FRAS1: variants seen among roughly 807,000 people sequenced by gnomAD.
FRAS1 encodes Fraser extracellular matrix complex subunit 1.
FRAS1 carries 290 observed loss-of-function variants against 435.2 expected under a neutral mutation model. The observed-to-expected ratio is 0.67, with a 90% CI of 0.61 to 0.73. The LOEUF is 0.73. Ranked by LOEUF, FRAS1 falls within the 30% of genes least tolerant of loss-of-function variation. The pLI, the probability that FRAS1 is intolerant of heterozygous loss-of-function variation, is 0.00. For synonymous variants in FRAS1, 1,800 were observed against 1,851.0 expected, an observed-to-expected ratio of 0.97 and a Z score of 0.71; for missense variants, 4,860 against 5,001.5, an observed-to-expected ratio of 0.97 and a Z score of 0.85.
In FRAS1 at chr4:78,358,799, G is replaced by C. The variant is rs1307953758; in HGVS notation, c.2423-4714G>C. Among the ~76,000 whole-genome samples, 7 of 152,106 alleles carry C rather than the reference G, an allele frequency of 4.6e-5. No individual in the cohort carries two copies. The East Asian group carries it at 1.3e-3, about 29-fold the overall frequency. On this transcript the variant is annotated intron_variant, in intron 20 of 73. Transcript: ENST00000512123. Reference sequence around the variant, plus strand: ...AAATATTCAAACTGTAAGAAAAATGGCAGTTTTTTTGTTTGCTTACTTAAT... The same window carrying C: ...AAATATTCAAACTGTAAGAAAAATGCCAGTTTTTTTGTTTGCTTACTTAAT...
At chr4:78,208,168 T>G (rs951476231) in intron 2 of FRAS1, among the ~76,000 whole-genome samples, 3 of 152,082 alleles carry the variant, frequency 2.0e-5, no homozygotes, top group African/African-American at 7.2e-5. Flanking sequence ...ATAGACCAAC[T>G]GGGCGGGTAG....
chr4:78,204,528 G>A (rs2867002), intron 2 of FRAS1, among the ~76,000 whole-genome samples: 146,018 of 152,314 alleles, frequency 0.96, 70,281 homozygotes, highest in East Asian at 1. Context: ...TTTTAAAGGC[G>A]TAATTATCAA....
At chr4:78,333,717 C>T (rs774170059) in intron 19 of FRAS1, among the ~76,000 whole-genome samples, 16 of 152,148 alleles carry the variant, frequency 1.1e-4, no homozygotes, top group Non-Finnish European at 1.9e-4. Flanking sequence ...TAAATCCTGT[C>T]GTGGACTAAA....
At chr4:78,197,432 T>C (rs1274581697) in intron 2 of FRAS1, among the ~76,000 whole-genome samples, 1 of 152,226 alleles carries the variant, frequency 6.6e-6, no homozygotes, top group African/African-American at 2.4e-5. Flanking sequence ...ATCATCTTCA[T>C]CCTCATCATC....
intron 31 of FRAS1, among the ~76,000 whole-genome samples, chr4:78,411,707 T>C (rs1258320096): frequency 6.6e-6 from 1 of 152,190 alleles, no homozygotes; most frequent in African/African-American, 2.4e-5. Flanking sequence ...ACTTGCTCAG[T>C]AATATGACCA....
intron 14 of FRAS1, among the ~76,000 whole-genome samples, chr4:78,302,308 A>G (rs576347479): frequency 3.3e-5 from 5 of 151,452 alleles, no homozygotes; most frequent in African/African-American, 7.3e-5. Context: ...TAATGCCGCA[A>G]TAAACATACG....
intron 19 of FRAS1, among the ~76,000 whole-genome samples, chr4:78,337,121 TGTA>T (rs2110264956): frequency 6.6e-6 from 1 of 152,360 alleles, no homozygotes; most frequent in Non-Finnish European, 1.5e-5. Flanking sequence ...TTCTGTTCTT[TGTA>T]TTTTAATTAA....
In FRAS1 at chr4:78,540,662, T is replaced by A. The variant is rs1425546904; in HGVS notation, c.11577T>A (p.Asp3859Glu). The A allele has an allele frequency of 1.2e-6, 2 of 1,612,718 alleles. No homozygotes were observed. The highest frequency in any genetic ancestry group is 1.7e-6 in the Non-Finnish European group (2 of 1,179,140). Residue 3859 changes from aspartate to glutamate, a missense_variant, in exon 74 of 74, where the codon GAT becomes GAA. Transcript: ENST00000512123. The part of the protein sequence containing the change: ...RRNRRDLVEP[D>E]GQLILDDSLI... ...ACCGAAGGGACCTGGTAGAGCCCGATGGCCAGCTGATCCTTGATGATTCCC... is the reference window on the plus strand; with the variant it reads ...ACCGAAGGGACCTGGTAGAGCCCGAAGGCCAGCTGATCCTTGATGATTCCC...
intron 2 of FRAS1, among the ~76,000 whole-genome samples, chr4:78,068,225 T>C (rs1043006904): frequency 1.3e-5 from 2 of 151,966 alleles, no homozygotes; most frequent in Admixed American, 1.3e-4. Context: ...AGGTGGGCTA[T>C]GGGGAAAAAT....
chr4:78,310,216 G>A (rs560225275), intron 15 of FRAS1, among the ~76,000 whole-genome samples: 1 of 152,324 alleles, frequency 6.6e-6, no homozygotes, highest in African/African-American at 2.4e-5. Flanking sequence ...TAAGCCAGAT[G>A]TATTCTCTAA....
At chr4:78,507,679 A>G in intron 62 of FRAS1, 71 bp downstream of exon 62, 1 of 1,403,542 alleles carries the variant, frequency 7.1e-7, no homozygotes. Context: ...GAAGGGAAGT[A>G]CTCTATTTCT....
chr4:78,102,851 T>C (rs775120775), intron 2 of FRAS1, among the ~76,000 whole-genome samples: 3 of 152,224 alleles, frequency 2.0e-5, no homozygotes, highest in Non-Finnish European at 4.4e-5. Context: ...GCAACTCTCC[T>C]ATTCTTTAAA....
At chr4:78,259,038 A>T (rs1204363225) in intron 6 of FRAS1, among the ~76,000 whole-genome samples, 1 of 129,472 alleles carries the variant, frequency 7.7e-6, no homozygotes, top group Non-Finnish European at 1.6e-5. Flanking sequence ...ACATGAACTC[A>T]TCATTTTTTA....
intron 18 of FRAS1, among the ~76,000 whole-genome samples, chr4:78,320,445 G>A (rs372418997): frequency 5.9e-5 from 9 of 152,054 alleles, no homozygotes; most frequent in South Asian, 2.1e-4. Context: ...AGCAAGTGGC[G>A]GAAAAAAGCA....
At chr4:78,434,692 C>T (rs778701551) in intron 38 of FRAS1, among the ~76,000 whole-genome samples, 3 of 151,558 alleles carry the variant, frequency 2.0e-5, no homozygotes, top group Non-Finnish European at 4.4e-5. Context: ...ATCAAGGAGC[C>T]AGATATGAGA....
intron 33 of FRAS1, among the ~76,000 whole-genome samples, chr4:78,420,188 A>T (rs1235565322): frequency 6.6e-6 from 1 of 152,228 alleles, no homozygotes; most frequent in South Asian, 2.1e-4. Flanking sequence ...ATCCTGTCAC[A>T]TTATGAAATT....
intron 36 of FRAS1, 83 bp from the exon 37 acceptor site, chr4:78,430,209 G>A (rs1313431219): frequency 1.3e-6 from 2 of 1,548,950 alleles, no homozygotes; most frequent in Non-Finnish European, 1.8e-6. Context: ...ATGACTCCTA[G>A]CCTGGCCTGC....
chr4:78,161,138 C>T (rs1721117471), intron 2 of FRAS1, among the ~76,000 whole-genome samples: 1 of 147,660 alleles, frequency 6.8e-6, no homozygotes, highest in Admixed American at 6.7e-5. Flanking sequence ...GACTCTTTCT[C>T]AGGAAAAAAA....
At chr4:78,524,462 G>C in intron 69 of FRAS1, among the ~76,000 whole-genome samples, 1 of 152,128 alleles carries the variant, frequency 6.6e-6, no homozygotes, top group East Asian at 1.9e-4. Flanking sequence ...GACAACTTAT[G>C]GTCCATGTTG....
Sources: allele counts gnomAD v4.1 joint callset (sites outside exome capture counted in the v4.1 genomes callset), GRCh38; gene constraint gnomAD v4.1.1; transcripts MANE v1.5; gene names NCBI Gene and HGNC (gene_info 2026-07-23, HGNC 2026-07-21).